EPB41L4A: variants seen among roughly 807,000 people sequenced by gnomAD.
EPB41L4A encodes band 4.1-like protein 4A.
Under a neutral mutation model 108.6 loss-of-function variants are expected in EPB41L4A, and 100 were observed. That is an observed-to-expected ratio of 0.92 (90% CI 0.78 to 1.09). The LOEUF is 1.09. Among genes scored for constraint, EPB41L4A ranks in the 50% least tolerant of loss-of-function variants. EPB41L4A has a pLI of 0.00. For synonymous variants in EPB41L4A, 319 were observed against 289.0 expected (o/e 1.10, Z -1.05); for missense variants, 1,030 against 842.7 (o/e 1.22, Z -2.75).
chr5:112,372,837 T>C (rs1280519478), intron 1 of EPB41L4A, among the ~76,000 whole-genome samples: 3 of 152,136 alleles, frequency 2.0e-5, no homozygotes, highest in Non-Finnish European at 4.4e-5. Context: ...AGGAGATTGT[T>C]ACAGCAATTC....
At chr5:112,143,853 T>C (rs1044799776) in exon 14 of EPB41L4A, 1 of 455,844 alleles carries the variant, frequency 2.2e-6, no homozygotes, top group Non-Finnish European at 4.4e-6. Context: ...GCTGACCCTG[T>C]ATAAACAGGG....
intron 2 of EPB41L4A, among the ~76,000 whole-genome samples, chr5:112,302,994 G>C (rs1217908698): frequency 2.6e-5 from 4 of 152,078 alleles, no homozygotes; most frequent in Non-Finnish European, 4.4e-5. Flanking sequence ...TAAAGTCAAA[G>C]GGTTACCTAA....
chr5:112,276,299 C>A (rs1561533276), intron 3 of EPB41L4A, among the ~76,000 whole-genome samples: 1 of 151,988 alleles, frequency 6.6e-6, no homozygotes, highest in African/African-American at 2.4e-5. Flanking sequence ...AGAAACAAAG[C>A]CTGGAATTGT....
At chr5:112,145,430 G>A (rs933067532) in intron 13 of EPB41L4A, among the ~76,000 whole-genome samples, 1 of 152,146 alleles carries the variant, frequency 6.6e-6, no homozygotes. Context: ...ATTTGAGATG[G>A]AGATTTTGTA....
intron 1 of EPB41L4A, among the ~76,000 whole-genome samples, chr5:112,338,484 A>C (rs2150688506): frequency 6.6e-6 from 1 of 152,160 alleles, no homozygotes; most frequent in Admixed American, 6.5e-5. Flanking sequence ...AGGTCGCTGC[A>C]CCTGTGCTCC....
intron 1 of EPB41L4A, among the ~76,000 whole-genome samples, chr5:112,308,190 T>G (rs972749040): frequency 6.6e-6 from 1 of 152,198 alleles, no homozygotes; most frequent in African/African-American, 2.4e-5. Context: ...AAATCAATTA[T>G]TCACACATGT....
chr5:112,199,828 A>G (rs1338688205), intron 15 of EPB41L4A, among the ~76,000 whole-genome samples: 2 of 152,124 alleles, frequency 1.3e-5, no homozygotes, highest in Non-Finnish European at 2.9e-5. Context: ...GGCTACTGAA[A>G]CCATCTACTT....
chr5:112,229,013 C>A (rs957602752), intron 12 of EPB41L4A, among the ~76,000 whole-genome samples: 6 of 152,150 alleles, frequency 3.9e-5, no homozygotes, highest in African/African-American at 1.4e-4. Flanking sequence ...AATAAACATG[C>A]TTTTTAAACT....
intron 12 of EPB41L4A, among the ~76,000 whole-genome samples, chr5:112,150,988 G>T (rs987927877): frequency 6.6e-6 from 1 of 152,144 alleles, no homozygotes; most frequent in Non-Finnish European, 1.5e-5. Context: ...CACCTGGGGG[G>T]TTTGTTAAAA....
intron 1 of EPB41L4A, among the ~76,000 whole-genome samples, chr5:112,342,327 T>C (rs1030845531): frequency 6.6e-6 from 1 of 152,156 alleles, no homozygotes; most frequent in Non-Finnish European, 1.5e-5. Flanking sequence ...AAACATGAAA[T>C]TTATCTTATC....
intron 12 of EPB41L4A, among the ~76,000 whole-genome samples, chr5:112,156,110 T>G (rs1204569498): frequency 6.6e-6 from 1 of 151,534 alleles, no homozygotes; most frequent in Non-Finnish European, 1.5e-5. Context: ...TTCACCATAA[T>G]AACAAAAAAA....
chr5:112,208,540 C>A (rs778082815), intron 13 of EPB41L4A, among the ~76,000 whole-genome samples: 3 of 152,014 alleles, frequency 2.0e-5, no homozygotes, highest in Non-Finnish European at 4.4e-5. Flanking sequence ...TACACATGGA[C>A]ATAAAGATGG....
intron 5 of EPB41L4A, among the ~76,000 whole-genome samples, 170 bp downstream of exon 5, chr5:112,266,063 T>C (rs1751829992): frequency 6.6e-6 from 1 of 152,236 alleles, no homozygotes. Context: ...GGCTCCACTT[T>C]TACCTGTTCC....
At chr5:112,306,077 A>G (rs1754662778) in intron 2 of EPB41L4A, among the ~76,000 whole-genome samples, 1 of 152,182 alleles carries the variant, frequency 6.6e-6, no homozygotes, top group African/African-American at 2.4e-5. Flanking sequence ...CAAGGTCTAT[A>G]TAACTTTAGC....
chr5:112,378,087 G>A (rs551198461), intron 1 of EPB41L4A, among the ~76,000 whole-genome samples: 1 of 152,270 alleles, frequency 6.6e-6, no homozygotes, highest in East Asian at 1.9e-4. Flanking sequence ...AAGGATTCAT[G>A]TTTCCATCTG....
chr5:112,227,420 T>G (rs1427645971), intron 12 of EPB41L4A, among the ~76,000 whole-genome samples: 2 of 152,160 alleles, frequency 1.3e-5, no homozygotes, highest in Non-Finnish European at 2.9e-5. Flanking sequence ...AGAAGGAAAC[T>G]AAAGTGTACC....
At chr5:112,415,253 G>A (rs1762645046) in intron 1 of EPB41L4A, among the ~76,000 whole-genome samples, 1 of 152,064 alleles carries the variant, frequency 6.6e-6, no homozygotes, top group African/African-American at 2.4e-5. Context: ...CAGGATGATT[G>A]GGAAGTAACA....
At chr5:112,329,893 C>T (rs1203786243) in intron 1 of EPB41L4A, among the ~76,000 whole-genome samples, 5 of 152,000 alleles carry the variant, frequency 3.3e-5, no homozygotes, top group Admixed American at 2.6e-4. Flanking sequence ...CTTTATGGTA[C>T]TCTACCAAGC....
chr5:112,292,024 C>T (rs1309536114), intron 2 of EPB41L4A, among the ~76,000 whole-genome samples: 1 of 152,184 alleles, frequency 6.6e-6, no homozygotes, highest in Non-Finnish European at 1.5e-5. Context: ...ACATACCACC[C>T]AATGGAAGAA....
Sources: gnomAD v4.1 joint callset for allele counts (sites outside exome capture counted in the v4.1 genomes callset) on GRCh38, gnomAD v4.1.1 for gene constraint, MANE v1.5 for transcripts, NCBI Gene and HGNC (gene_info 2026-07-23, HGNC 2026-07-21) for gene names.